The following ARMC9 variants were observed in gnomAD, a reference collection of about 807,000 sequenced individuals.
ARMC9 encodes the protein armadillo repeat containing 9, also known as lisH domain-containing protein ARMC9.
ARMC9 carries 94 observed loss-of-function variants against 107.0 expected under a neutral mutation model. The ratio of observed to expected loss-of-function variants is 0.88; its 90% confidence interval spans 0.74 to 1.04. The LOEUF is 1.04. ARMC9 is among the 50% of genes least tolerant of loss of function. The probability of loss-of-function intolerance (pLI) is 0.00; values close to 1 mark genes in which losing one functional copy is unlikely to be tolerated. For synonymous variants in ARMC9, 380 were observed against 396.9 expected, an observed-to-expected ratio of 0.96 and a Z score of 0.51; for missense variants, 942 against 1,030.1, an observed-to-expected ratio of 0.91 and a Z score of 1.17.
chr2:231,324,581 G>T (rs923913619), intron 19 of ARMC9, among the ~76,000 whole-genome samples: 2 of 151,040 alleles, frequency 1.3e-5, no homozygotes, highest in Admixed American at 1.3e-4. Context: ...AAGAAACCCC[G>T]TCCCTACTGA....
intron 9 of ARMC9, among the ~76,000 whole-genome samples, chr2:231,242,195 A>G (rs2125376266): frequency 6.6e-6 from 1 of 151,230 alleles, no homozygotes; most frequent in South Asian, 2.1e-4. Flanking sequence ...ACTGCTTCAC[A>G]CAGTTATTCC....
Position 231,345,035 on chromosome 2 carries a change from G to C in ARMC9, c.1939G>C (p.Asp647His). 6.2e-7 allele frequency: 1 copy of C among 1,614,114 alleles called. No homozygotes were observed. Among genetic ancestry groups the C allele is most frequent in the African/African-American group, 1.3e-5 (1 of 75,052 alleles). ...GCTGGCTAATGTGCAGTGGAGCGGG[G>C]ATGAGCCCCTGCAAAGGCCCGTCAC... The part of the protein sequence containing the change: ...KGLANVQWSG[D>H]EPLQRPVTPG... Residue 647 changes from aspartate (D) to histidine (H), a missense_variant, in exon 21 of 25, where the codon GAT becomes CAT. Transcript: ENST00000611582.
At position 231,360,835 on chromosome 2, in the gene ARMC9, G is replaced by C. The variant is rs570719658; in HGVS notation, c.2213G>C (p.Arg738Pro). ...CGCCCAGCCCCCACGGGGACCCCCC[G>C]CCAGCCAAGGGAGGCGCCCCAGGAC... ...EPRPAPTGTP[R>P]QPREAPQDPG... Residue 738 changes from arginine to proline, a missense_variant, in exon 23 of 25, where the codon CGC becomes CCC. By Grantham distance (103) the Arg-to-Pro change is moderately radical. Coordinates refer to ENST00000611582, the MANE Select transcript of ARMC9 (RefSeq NM_001352754.2). The surrounding 1 kb of genome is among the most constrained non-coding windows in gnomAD (Gnocchi z 4.7). 2 of 1,535,806 alleles carry C rather than the reference G, an allele frequency of 1.3e-6. No homozygotes were observed. The highest frequency in any genetic ancestry group is 1.2e-5 in the South Asian group (1 of 84,012).
At chr2:231,281,927 C>T in intron 16 of ARMC9, 132 bp from the exon 17 acceptor site, 1 of 785,508 alleles carries the variant, frequency 1.3e-6, no homozygotes, top group East Asian at 2.5e-5. Context: ...CATCCTGGAG[C>T]ACAGGAGAGC....
chr2:231,320,830 T>G (rs140407269), intron 19 of ARMC9, among the ~76,000 whole-genome samples: 1 of 152,214 alleles, frequency 6.6e-6, no homozygotes, highest in South Asian at 2.1e-4. Context: ...CCTGTCCTTA[T>G]TCCAAGTCCA....
intron 21 of ARMC9, among the ~76,000 whole-genome samples, chr2:231,355,587 G>T (rs1295392556): frequency 6.6e-6 from 1 of 152,226 alleles, no homozygotes; most frequent in African/African-American, 2.4e-5. Context: ...ATACAGAAGG[G>T]GGCTAACAGG....
At chr2:231,304,014 T>C (rs62197354) in intron 19 of ARMC9, among the ~76,000 whole-genome samples, 76,989 of 151,910 alleles carry the variant, frequency 0.51, 23,282 homozygotes, top group African/African-American at 0.85. Context: ...GATGGATCAC[T>C]GGGTCAAGAG....
At chr2:231,352,216 C>T (rs1398718584) in intron 21 of ARMC9, among the ~76,000 whole-genome samples, 1 of 152,096 alleles carries the variant, frequency 6.6e-6, no homozygotes, top group African/African-American at 2.4e-5. Context: ...CCTACCTCAG[C>T]CTTCCAAAGT....
intron 20 of ARMC9, among the ~76,000 whole-genome samples, chr2:231,335,273 G>C (rs2044009677): frequency 6.6e-6 from 1 of 152,204 alleles, no homozygotes; most frequent in Non-Finnish European, 1.5e-5. Context: ...GTTAAGGATA[G>C]AGTCTAGGCC....
chr2:231,206,106 T>C (rs763441982), intron 1 of ARMC9, 92 bp from the exon 2 acceptor site: 34 of 764,204 alleles, frequency 4.4e-5, no homozygotes, highest in Middle Eastern at 2.7e-4. Flanking sequence ...TGGATGTCTT[T>C]GGGGGCCATT....
At chr2:231,352,870 G>C (rs2045164992) in intron 21 of ARMC9, among the ~76,000 whole-genome samples, 1 of 132,430 alleles carries the variant, frequency 7.6e-6, no homozygotes, top group African/African-American at 4.2e-5. Flanking sequence ...GCTCACACCA[G>C]CCTGGGCCAA....
chr2:231,308,924 G>A (rs1389264608), intron 19 of ARMC9, among the ~76,000 whole-genome samples: 2 of 152,258 alleles, frequency 1.3e-5, no homozygotes, highest in African/African-American at 4.8e-5. Flanking sequence ...GCTTGGCATG[G>A]CCAGCTCGCT....
chr2:231,271,386 A>G (rs1006172829), intron 13 of ARMC9, among the ~76,000 whole-genome samples: 2 of 152,240 alleles, frequency 1.3e-5, no homozygotes, highest in Non-Finnish European at 2.9e-5. Flanking sequence ...TGCATCTTCT[A>G]TAATTTTCTA....
intron 19 of ARMC9, among the ~76,000 whole-genome samples, chr2:231,326,448 T>C (rs2043323416): frequency 6.6e-6 from 1 of 152,216 alleles, no homozygotes; most frequent in South Asian, 2.1e-4. Flanking sequence ...AAGATGGTGC[T>C]GATTGTTGGA....
intron 17 of ARMC9, among the ~76,000 whole-genome samples, chr2:231,288,137 C>G (rs2040734750): frequency 6.6e-6 from 1 of 152,124 alleles, no homozygotes. Flanking sequence ...AGAAGATTGC[C>G]TAGCGTGCAG....
chr2:231,320,231 G>C (rs2042922620), intron 19 of ARMC9, among the ~76,000 whole-genome samples: 1 of 152,046 alleles, frequency 6.6e-6, no homozygotes, highest in South Asian at 2.1e-4. Context: ...GTCCTTATAT[G>C]CCCTTGAGTG....
intron 12 of ARMC9, among the ~76,000 whole-genome samples, chr2:231,263,802 G>C (rs555610757): frequency 2.0e-5 from 3 of 151,946 alleles, no homozygotes; most frequent in African/African-American, 4.8e-5. Context: ...TTTCCTGTTT[G>C]GATTTATAAT....
intron 19 of ARMC9, among the ~76,000 whole-genome samples, chr2:231,321,228 C>G (rs1027516185): frequency 2.0e-5 from 3 of 152,228 alleles, no homozygotes; most frequent in Admixed American, 2.0e-4. Flanking sequence ...CCTGACTGGT[C>G]TAGAGGCAAG....
At chr2:231,364,788 AT>A (rs1208649681) in intron 23 of ARMC9, among the ~76,000 whole-genome samples, 2 of 141,804 alleles carry the variant, frequency 1.4e-5, no homozygotes, top group Admixed American at 6.6e-5. Context: ...ACAGGGCAAG[AT>A]TTCATTTCAA....
Sources: gnomAD v4.1 joint callset for allele counts (sites outside exome capture counted in the v4.1 genomes callset) on GRCh38, gnomAD v4.1.1 for gene constraint, Gnocchi (gnomAD v3.1) non-coding constraint, MANE v1.5 for transcripts, NCBI Gene and HGNC (gene_info 2026-07-23, HGNC 2026-07-21) for gene names.